The following RGS6 variants were observed in gnomAD, a reference collection of about 807,000 sequenced individuals.
RGS6 encodes the protein regulator of G protein signaling 6, also known as regulator of G-protein signaling 6.
Under a neutral mutation model 78.5 loss-of-function variants are expected in RGS6, and 30 were observed. The observed-to-expected ratio is 0.38, with a 90% CI of 0.29 to 0.52. The LOEUF (loss-of-function observed/expected upper bound fraction) is 0.52. Among genes scored for constraint, RGS6 ranks in the 20% least tolerant of loss-of-function variants. The probability of loss-of-function intolerance (pLI) is 0.85; values close to 1 mark genes in which losing one functional copy is unlikely to be tolerated. For missense variants in RGS6, 495 were observed against 609.7 expected (o/e 0.81, Z 1.98); for synonymous variants, 206 against 206.0 (o/e 1.00, Z 0.00).
At chr14:72,007,584 T>C (rs1044269529) in intron 2 of RGS6, among the ~76,000 whole-genome samples, 32 of 152,218 alleles carry the variant, frequency 2.1e-4, no homozygotes, top group African/African-American at 7.7e-4. Flanking sequence ...TTTTATTTTT[T>C]AGCTCATCAG....
the RGS6 span, among the ~76,000 whole-genome samples, chr14:71,908,741 G>A: frequency 6.6e-6 from 1 of 152,094 alleles, no homozygotes. Flanking sequence ...CAGCATAGGA[G>A]GGAATGCCCT....
chr14:72,494,815 G>C (rs1429944260), intron 12 of RGS6, among the ~76,000 whole-genome samples: 2 of 152,126 alleles, frequency 1.3e-5, no homozygotes, highest in Admixed American at 6.5e-5. Flanking sequence ...TTGTGGGAGG[G>C]TGGAACACAA....
chr14:72,186,494 C>T (rs1034452907), intron 2 of RGS6, among the ~76,000 whole-genome samples: 5 of 152,176 alleles, frequency 3.3e-5, no homozygotes. Context: ...GCATCTACTT[C>T]CTTTATTTCT....
intron 2 of RGS6, among the ~76,000 whole-genome samples, chr14:72,226,882 T>C (rs2048256572): frequency 6.6e-6 from 1 of 152,204 alleles, no homozygotes; most frequent in Non-Finnish European, 1.5e-5. Flanking sequence ...AGATGGCTTT[T>C]TGCCATGTTA....
At chr14:71,964,232 T>C (rs1595333247) in intron 1 of RGS6, among the ~76,000 whole-genome samples, 1 of 152,144 alleles carries the variant, frequency 6.6e-6, no homozygotes, top group South Asian at 2.1e-4. Flanking sequence ...CGTGGCTGGG[T>C]GCGGTGGCGC....
At chr14:72,273,389 TC>T (rs1485641191) in intron 2 of RGS6, among the ~76,000 whole-genome samples, 1 of 152,152 alleles carries the variant, frequency 6.6e-6, no homozygotes, top group Non-Finnish European at 1.5e-5. Flanking sequence ...TTCATTTTTT[TC>T]CCTCTTTAAT....
the RGS6 span, among the ~76,000 whole-genome samples, chr14:72,603,611 G>T: frequency 2.0e-5 from 3 of 152,230 alleles, no homozygotes; most frequent in African/African-American, 7.2e-5. Context: ...GACACAGTGC[G>T]TGCCCTCAAA....
intron 11 of RGS6, among the ~76,000 whole-genome samples, chr14:72,477,485 T>C (rs1365017618): frequency 2.9e-5 from 3 of 104,468 alleles, no homozygotes; most frequent in Admixed American, 9.6e-5. Flanking sequence ...GTAATGGATA[T>C]ATGAAAAAAA....
At chr14:72,617,016 C>T in the RGS6 span, among the ~76,000 whole-genome samples, 31 of 152,296 alleles carry the variant, frequency 2.0e-4, no homozygotes, top group Admixed American at 9.2e-4. Flanking sequence ...GCCATCCTAA[C>T]GTCACTCCAG....
chr14:72,402,774 ATTTTTTGTTTTTTTGGTTTTTTT>A (rs2092557840), intron 3 of RGS6, among the ~76,000 whole-genome samples: 1 of 103,884 alleles, frequency 9.6e-6, no homozygotes, highest in African/African-American at 3.7e-5. Context: ...TTTGTTTTAT[ATTTTTTGTTTTTTTGGTTTTTTT>A]TTTTTTTTTT....
intron 3 of RGS6, among the ~76,000 whole-genome samples, chr14:72,363,386 G>A (rs748047672): frequency 1.4e-4 from 22 of 152,298 alleles, no homozygotes; most frequent in East Asian, 7.7e-4. Flanking sequence ...GTACAGCCAC[G>A]CATCATTAAA....
In RGS6 at chr14:72,566,035, G is replaced by T. The variant is rs1298029222; in HGVS notation, c.*3568G>T. 1.3e-5 allele frequency: 2 copies of T among 152,116 alleles called. No homozygotes were observed. The highest frequency in any genetic ancestry group is 4.8e-5 in the African/African-American group (2 of 41,410). 9.4% of individuals were successfully genotyped at this position (152,116 alleles called of 1,614,324 possible). A position where few individuals can be genotyped will look rare whatever the true frequency, so the allele number is the denominator to read the frequency against. On this transcript the variant is annotated 3_prime_UTR_variant, in exon 18 of 18. Coordinates refer to ENST00000553525, the MANE Select transcript of RGS6 (RefSeq NM_001204424.2). Reference sequence around the variant, plus strand: ...AGTTGAATATGTAGCAAAGACCATGGGATAAGTTGAATAGTGGCCAGACGA... The same window carrying T: ...AGTTGAATATGTAGCAAAGACCATGTGATAAGTTGAATAGTGGCCAGACGA...
At chr14:72,375,167 G>A (rs959584539) in intron 3 of RGS6, among the ~76,000 whole-genome samples, 1 of 152,110 alleles carries the variant, frequency 6.6e-6, no homozygotes, top group Non-Finnish European at 1.5e-5. Flanking sequence ...GTAAATAACA[G>A]AGAAAATGGG....
At chr14:72,453,322 A>G (rs1419226429) in intron 3 of RGS6, among the ~76,000 whole-genome samples, 1 of 151,978 alleles carries the variant, frequency 6.6e-6, no homozygotes, top group African/African-American at 2.4e-5. Context: ...CAAGCTTTAA[A>G]AGTTCCTTCA....
At chr14:72,063,317 A>G (rs752956072) in intron 2 of RGS6, among the ~76,000 whole-genome samples, 3 of 152,150 alleles carry the variant, frequency 2.0e-5, no homozygotes, top group Non-Finnish European at 2.9e-5. Flanking sequence ...AGACAGTGCC[A>G]AGGAGGAAGG....
intron 2 of RGS6, among the ~76,000 whole-genome samples, chr14:72,188,704 C>G (rs754736355): frequency 9.2e-5 from 14 of 152,208 alleles, no homozygotes; most frequent in Non-Finnish European, 1.8e-4. Flanking sequence ...GCGACACAGC[C>G]TCCATTTCTG....
At chr14:72,221,617 T>C (rs976180032) in intron 2 of RGS6, among the ~76,000 whole-genome samples, 1 of 152,158 alleles carries the variant, frequency 6.6e-6, no homozygotes, top group Admixed American at 6.5e-5. Context: ...TTTTTTTTTC[T>C]GTAATTAATG....
intron 2 of RGS6, among the ~76,000 whole-genome samples, chr14:72,287,839 A>G (rs1210010307): frequency 6.6e-6 from 1 of 152,232 alleles, no homozygotes; most frequent in African/African-American, 2.4e-5. Flanking sequence ...CTTTCTCTGC[A>G]TCTATTGAGA....
chr14:72,619,494 C>A, the RGS6 span: 4 of 1,060,770 alleles, frequency 3.8e-6, no homozygotes, highest in Admixed American at 2.3e-5. Context: ...AAGTCCCAGG[C>A]CTGAAAACGT....
Sources: allele counts gnomAD v4.1 joint callset (sites outside exome capture counted in the v4.1 genomes callset), GRCh38; gene constraint gnomAD v4.1.1; transcripts MANE v1.5; gene names NCBI Gene and HGNC (gene_info 2026-07-23, HGNC 2026-07-21).